TBC1D9B: variants seen among roughly 807,000 people sequenced by gnomAD.
TBC1D9B encodes TBC1 domain family member 9B.
A neutral mutation model predicts 121.1 loss-of-function variants in TBC1D9B; 87 were observed. That is an observed-to-expected ratio of 0.72 (90% CI 0.60 to 0.86). The LOEUF (loss-of-function observed/expected upper bound fraction) is 0.86. TBC1D9B is among the 40% of genes least tolerant of loss of function. The probability of loss-of-function intolerance (pLI) is 0.00; values close to 1 mark genes in which losing one functional copy is unlikely to be tolerated. For synonymous variants in TBC1D9B, 668 were observed against 670.1 expected (o/e 1.00, Z 0.05); for missense variants, 1,540 against 1,628.6 (o/e 0.95, Z 0.94).
rs765842124 is a variant in TBC1D9B at position 179,873,281 on chromosome 5, C to T, written c.2187-33G>A. The T allele has an allele frequency of 5.3e-5, 82 of 1,539,760 alleles. 1 individual carries two copies. The highest frequency in any genetic ancestry group is 1.7e-4 in the Middle Eastern group (1 of 5,792). ...GGACAGAGGACAACAGTCCAGACCA[C>T]GCCCAGGCAGAGGGAGCCTCCTTCC... On this transcript the variant is annotated intron_variant, in intron 12 of 20. Coordinates refer to ENST00000355235, the MANE Select transcript of TBC1D9B (RefSeq NM_015043.4).
chr5:179,878,312 G>T lies in TBC1D9B; in HGVS notation c.1779C>A (p.Cys593Ter). The change falls in exon 10 of 21, where the codon TGC becomes TGA. Residue 593 changes from cysteine (C) to a stop codon, truncating the protein, a stop_gained. Transcript: ENST00000355235. LOFTEE classifies it high-confidence loss of function. ...YAFRNPTIGY[C>*]QAMNIVTSVL... ...GGGCCCCTGTCAGGCCCCTTACCTG[G>T]CAGTAGCCGATGGTGGGGTTTCGGA... 2 of 1,611,362 alleles carry T rather than the reference G, an allele frequency of 1.2e-6. No homozygotes were observed. Among genetic ancestry groups the T allele is most frequent in the Admixed American group, 3.3e-5 (2 of 59,768 alleles).
rs1760155843 is a variant in TBC1D9B at position 179,870,414 on chromosome 5, G to T, written c.2566C>A (p.Gln856Lys). 1 of 1,613,660 alleles carries T rather than the reference G, an allele frequency of 6.2e-7. No homozygotes were observed. The highest frequency in any genetic ancestry group is 1.1e-5 in the South Asian group (1 of 91,084). ...AACTGGCTGGCATCAATCCGGTACT[G>T]CTCCAGGTAGGGCAGGCTGGGGTCC... ...RRDPSLPYLE[Q>K]YRIDASQFRE... The change falls in exon 16 of 21, where the codon CAG (glutamine) becomes AAG (lysine). Residue 856 changes from glutamine to lysine, a missense_variant. Physicochemically the swap from Gln to Lys is moderately conservative, Grantham distance 53. Coordinates refer to ENST00000355235, the MANE Select transcript of TBC1D9B (RefSeq NM_015043.4).
In TBC1D9B at chr5:179,890,904, C is replaced by T. The variant is rs1760843859; in HGVS notation, c.1044+475G>A. On this transcript the variant is annotated intron_variant, in intron 6 of 20. Coordinates refer to ENST00000355235, the MANE Select transcript of TBC1D9B (RefSeq NM_015043.4). The surrounding 1 kb of genome is among the most constrained non-coding windows in gnomAD (Gnocchi z 5.0). The stretch of plus-strand genomic sequence containing the variant: ...CTCACAGGGGAGAGCCGACGCCGCC[C>T]CACAGGGGAGAGCCGACCTCTGATG... 6.6e-6 allele frequency among the ~76,000 whole-genome samples: 1 copy of T among 152,172 alleles called. No individual in the cohort carries two copies.
chr5:179,874,856 G>A lies in TBC1D9B; in HGVS notation c.2186+46C>T. 3 of 1,594,040 alleles carry A rather than the reference G, an allele frequency of 1.9e-6. No individual in the cohort carries two copies. In the South Asian group the frequency reaches 3.4e-5, roughly 18 times the overall value. Reference sequence around the variant, plus strand: ...TGGACAGTGCCCGGGGCTGGTGAGGGGTTCTGCTGTGAGCCCCCAGCAGGA... The same window carrying A: ...TGGACAGTGCCCGGGGCTGGTGAGGAGTTCTGCTGTGAGCCCCCAGCAGGA... On this transcript the variant is annotated intron_variant, in intron 12 of 20. Coordinates refer to ENST00000355235, the MANE Select transcript of TBC1D9B (RefSeq NM_015043.4). This position sits in a 1 kb window ranked among gnomAD's most constrained non-coding sequence, Gnocchi z 4.3.
intron 2 of TBC1D9B, among the ~76,000 whole-genome samples, chr5:179,900,241 C>T (rs1402749784): frequency 1.3e-5 from 2 of 152,108 alleles, no homozygotes; most frequent in Non-Finnish European, 2.9e-5. Flanking sequence ...GAAGGCAGCA[C>T]GATGCCACTT....
chr5:179,879,669 A>G lies in TBC1D9B; in HGVS notation c.1375T>C (p.Phe459Leu). ...TCCTCCATGGGCGAGTTTTTCTGGA[A>G]GAGCTTCAGCAGGCCCTGGGATGCG... ...PTASQGLLKL[F>L]QKNSPMEDLG... The change falls in exon 8 of 21, where the codon TTC becomes CTC. Residue 459 changes from phenylalanine to leucine, a missense_variant. Coordinates refer to ENST00000355235, the MANE Select transcript of TBC1D9B (RefSeq NM_015043.4). 1 of 1,614,162 alleles carries G rather than the reference A, an allele frequency of 6.2e-7. No homozygotes were observed. Among genetic ancestry groups the G allele is most frequent in the South Asian group, 1.1e-5 (1 of 91,088 alleles).
In TBC1D9B at chr5:179,869,781, G is replaced by GT; in HGVS notation, c.2778dup (p.His927ThrfsTer42). ...AGGAGGCTCTCACCTGGGGGAAGGT[G>GT]TAGCTTGTAGAGCACCTTGAGCTTC... On this transcript the variant is annotated frameshift_variant, in exon 17 of 21. Coordinates refer to ENST00000355235, the MANE Select transcript of TBC1D9B (RefSeq NM_015043.4). LOFTEE classifies it high-confidence loss of function. 1 of 1,602,358 alleles carries GT rather than the reference G, an allele frequency of 6.2e-7. No individual in the cohort carries two copies. Among genetic ancestry groups the GT allele is most frequent in the Non-Finnish European group, 8.5e-7 (1 of 1,173,620 alleles).
chr5:179,900,703 T>C (rs910888630), intron 2 of TBC1D9B, among the ~76,000 whole-genome samples: 7 of 152,200 alleles, frequency 4.6e-5, no homozygotes, highest in African/African-American at 1.4e-4. Flanking sequence ...CCCTGATCGA[T>C]TGGCATTGAG....
rs749043245 is a variant in TBC1D9B at position 179,874,935 on chromosome 5, C to T, written c.2153G>A (p.Ser718Asn). Residue 718 changes from serine to asparagine, a missense_variant, in exon 12 of 21, where the codon AGC (serine) becomes AAC (asparagine). Ser to Asn is a conservative substitution (Grantham distance 46). Coordinates refer to ENST00000355235, the MANE Select transcript of TBC1D9B (RefSeq NM_015043.4). This position sits in a 1 kb window ranked among gnomAD's most constrained non-coding sequence, Gnocchi z 4.3. Reference protein sequence around the residue: ...DANMEQLLGCSDEGEAMTMLG... With the variant: ...DANMEQLLGCNDEGEAMTMLG... The stretch of plus-strand genomic sequence containing the variant: ...CATGGTCATGGCCTCGCCCTCGTCG[C>T]TGCAGCCCAGCAGCTGCTCCATGTT... The T allele has an allele frequency of 1.9e-6, 3 of 1,613,610 alleles. No homozygotes were observed. Among genetic ancestry groups the T allele is most frequent in the East Asian group, 2.2e-5 (1 of 44,880 alleles).
At position 179,864,065 on chromosome 5, in the gene TBC1D9B, C is replaced by G. The variant is rs753844953; in HGVS notation, c.3085G>C (p.Asp1029His). Reference protein sequence around the residue: ...NMFSEDPMEQDLYHAIATVAS... With the variant: ...NMFSEDPMEQHLYHAIATVAS... ...ACGGTGGCGATGGCGTGGTACAGGTCCTGCTCCATGGGGTCTTCACTGAAC... is the reference window on the plus strand; with the variant it reads ...ACGGTGGCGATGGCGTGGTACAGGTGCTGCTCCATGGGGTCTTCACTGAAC... The change falls in exon 21 of 21, where the codon GAC (aspartate) becomes CAC (histidine). Residue 1029 changes from aspartate to histidine, a missense_variant. Asp to His is a moderately conservative substitution (Grantham distance 81). Transcript: ENST00000355235. 8 of 1,613,676 alleles carry G rather than the reference C, an allele frequency of 5.0e-6. No homozygotes were observed. The highest frequency in any genetic ancestry group is 4.4e-5 in the South Asian group (4 of 91,084).
rs1266625164 is a variant in TBC1D9B at position 179,874,643 on chromosome 5, A to G, written c.2186+259T>C. Among the ~76,000 whole-genome samples, 2 of 152,158 alleles carry G rather than the reference A, an allele frequency of 1.3e-5. No individual in the cohort carries two copies. Among genetic ancestry groups the G allele is most frequent in the Non-Finnish European group, 2.9e-5 (2 of 68,010 alleles). ...GTTTGCCCTCAGGGGAAGCATCTCC[A>G]ACCCTACATCTGAGCGGTGGCCCTC... On this transcript the variant is annotated intron_variant, in intron 12 of 20. Transcript: ENST00000355235. This position sits in a 1 kb window ranked among gnomAD's most constrained non-coding sequence, Gnocchi z 4.3.
intron 1 of TBC1D9B, among the ~76,000 whole-genome samples, chr5:179,905,587 A>G (rs920886642): frequency 1.3e-5 from 2 of 152,222 alleles, no homozygotes; most frequent in African/African-American, 4.8e-5. Flanking sequence ...ACACACATTA[A>G]GCAGTCTGTG....
Position 179,862,789 on chromosome 5 carries a change from A to G in TBC1D9B, c.*659T>C, listed in dbSNP as rs1759882232. The G allele has an allele frequency of 5.9e-6, 2 of 340,518 alleles. No homozygotes were observed. The highest frequency in any genetic ancestry group is 6.0e-6 in the Non-Finnish European group (1 of 166,880). 21.1% of individuals were successfully genotyped at this position (340,518 alleles called of 1,614,324 possible). Reference sequence around the variant, plus strand: ...AGGCATTGAGCACAGTGTAATTTCTAGCCAAGTGAAATGAATCCAAGGAAA... The same window carrying G: ...AGGCATTGAGCACAGTGTAATTTCTGGCCAAGTGAAATGAATCCAAGGAAA... On this transcript the variant is annotated 3_prime_UTR_variant, in exon 21 of 21. Transcript: ENST00000355235.
At position 179,891,700 on chromosome 5, in the gene TBC1D9B, C is replaced by T; in HGVS notation, c.837-114G>A. ...TGTTTCCACATCAGATTCAGGATCC[C>T]TGGGGTGGTCCCTTGAGCAAGTCAT... On this transcript the variant is annotated intron_variant, in intron 5 of 20. Transcript: ENST00000355235. This position sits in a 1 kb window ranked among gnomAD's most constrained non-coding sequence, Gnocchi z 4.3. The T allele has an allele frequency of 8.3e-7, 1 of 1,201,154 alleles. No homozygotes were observed. The highest frequency in any genetic ancestry group is 1.5e-5 in the African/African-American group (1 of 66,106). The allele number at this position is 1,201,154 out of a possible 1,614,324, so 74.4% of individuals were successfully genotyped here. A position where few individuals can be genotyped will look rare whatever the true frequency, so the allele number is the denominator to read the frequency against.
Position 179,887,046 on chromosome 5 carries a change from C to T in TBC1D9B, c.1254+1057G>A, listed in dbSNP as rs1010641970. On this transcript the variant is annotated intron_variant, in intron 7 of 20. Transcript: ENST00000355235. The stretch of plus-strand genomic sequence containing the variant: ...AAACTCACTGGTCACATGTGGAAGA[C>T]ACTAGAAAACCAACTCATCATTATT... Among the ~76,000 whole-genome samples the T allele has an allele frequency of 5.3e-5, 8 of 152,342 alleles. 1 individual carries two copies. Among genetic ancestry groups the T allele is most frequent in the Admixed American group, 3.3e-4 (5 of 15,302 alleles).
chr5:179,906,218 G>A (rs1182547421), intron 1 of TBC1D9B, among the ~76,000 whole-genome samples: 1 of 152,226 alleles, frequency 6.6e-6, no homozygotes, highest in Non-Finnish European at 1.5e-5. Context: ...CGATGCCCAT[G>A]ATGGCACAGG....
At chr5:179,866,110 A>C in intron 18 of TBC1D9B, 2 of 550,208 alleles carry the variant, frequency 3.6e-6, no homozygotes, top group Non-Finnish European at 3.2e-6. Flanking sequence ...GGTCAGGTTA[A>C]AATAAAGGCC....
intron 1 of TBC1D9B, among the ~76,000 whole-genome samples, chr5:179,906,273 G>C (rs371802928): frequency 1.3e-5 from 2 of 152,188 alleles, no homozygotes; most frequent in African/African-American, 4.8e-5. Context: ...AAACCTAGCA[G>C]TGGGGAGAGA....
At position 179,862,575 on chromosome 5, in the gene TBC1D9B, G is replaced by C; in HGVS notation, c.*873C>G. The C allele has an allele frequency of 2.2e-6, 1 of 456,564 alleles. No homozygotes were observed. The highest frequency in any genetic ancestry group is 4.4e-6 in the Non-Finnish European group (1 of 226,944). The allele number at this position is 456,564 out of a possible 1,614,324, so 28.3% of individuals were successfully genotyped here. On this transcript the variant is annotated 3_prime_UTR_variant, in exon 21 of 21. Coordinates refer to ENST00000355235, the MANE Select transcript of TBC1D9B (RefSeq NM_015043.4). The stretch of plus-strand genomic sequence containing the variant: ...TGCCCAGCTTGCACCAGCAGGTTCT[G>C]CGTCTCCATCTGACCTGGCAGACCT...
Sources: allele counts gnomAD v4.1 joint callset (sites outside exome capture counted in the v4.1 genomes callset), GRCh38; gene constraint gnomAD v4.1.1; non-coding constraint Gnocchi (gnomAD v3.1); transcripts MANE v1.5; gene names NCBI Gene and HGNC (gene_info 2026-07-23, HGNC 2026-07-21).